The following ERICH1 variants were observed in gnomAD, a reference collection of about 807,000 sequenced individuals.
The protein encoded by ERICH1 is glutamate rich 1, also known as glutamate-rich protein 1.
Under a neutral mutation model 39.6 loss-of-function variants are expected in ERICH1, and 56 were observed. That is an observed-to-expected ratio of 1.41 (90% CI 1.14 to 1.77). The LOEUF (loss-of-function observed/expected upper bound fraction) is 1.77, where lower values mean the gene tolerates loss of function less well. ERICH1 is among the 40% of genes most tolerant of loss of function. ERICH1 has a pLI of 0.00. For synonymous variants in ERICH1, 313 were observed against 223.6 expected (o/e 1.40, Z -3.57); for missense variants, 826 against 575.4 (o/e 1.44, Z -4.45).
intron 1 of ERICH1, among the ~76,000 whole-genome samples, chr8:727,005 C>A (rs1014796356): frequency 4.0e-5 from 6 of 149,784 alleles, no homozygotes; most frequent in South Asian, 4.3e-4. Context: ...GCACACCACA[C>A]AGGCACACAC....
chr8:638,069 G>C lies in ERICH1; in HGVS notation c.977-22785C>G, dbSNP rs746316858. On this transcript the variant is annotated intron_variant, in intron 3 of 3. Transcript: ENST00000522706. ...AAGCCTGTTCTCTAGGAGGTCCTGA[G>C]TCATTTACATCGGTGACCTGGGGCA... Among the ~76,000 whole-genome samples, 10 of 152,236 alleles carry C rather than the reference G, an allele frequency of 6.6e-5. 1 individual carries two copies. Among genetic ancestry groups the C allele is most frequent in the African/African-American group, 2.4e-4 (10 of 41,460 alleles).
chr8:653,699 G>A (rs576010514), intron 3 of ERICH1, among the ~76,000 whole-genome samples: 1 of 152,370 alleles, frequency 6.6e-6, no homozygotes, highest in East Asian at 1.9e-4. Flanking sequence ...TAAAAAAGAA[G>A]GGAGTCTGGA....
At chr8:670,596 C>A (rs1803081410) in intron 4 of ERICH1, among the ~76,000 whole-genome samples, 1 of 152,194 alleles carries the variant, frequency 6.6e-6, no homozygotes, top group Non-Finnish European at 1.5e-5. Flanking sequence ...GAGGGTCAGG[C>A]CGATCCTCAT....
chr8:665,777 G>A (rs1024897571), intron 5 of ERICH1, among the ~76,000 whole-genome samples: 3 of 152,218 alleles, frequency 2.0e-5, no homozygotes, highest in Non-Finnish European at 4.4e-5. Context: ...CTGAGGAAAA[G>A]TAACTGCTGA....
rs200277044 is a variant in ERICH1 at position 668,675 on chromosome 8, G to C, written c.1181C>G (p.Thr394Arg). Reference protein sequence around the residue: ...SDVSILYHMKTLLLLQDTERL... With the variant: ...SDVSILYHMKRLLLLQDTERL... Reference sequence around the variant, plus strand: ...CTCAGTATCTTGCAGGAGCAGCAGCGTTTTCATGTGGTACAGGATGGACAC... The same window carrying C: ...CTCAGTATCTTGCAGGAGCAGCAGCCTTTTCATGTGGTACAGGATGGACAC... The change falls in exon 5 of 6, where the codon ACG becomes AGG. Residue 394 changes from threonine to arginine, a missense_variant. Physicochemically the swap from Thr to Arg is moderately conservative, Grantham distance 71. Coordinates refer to ENST00000262109, the MANE Select transcript of ERICH1 (RefSeq NM_207332.3). 1 of 1,614,164 alleles carries C rather than the reference G, an allele frequency of 6.2e-7. No homozygotes were observed. The highest frequency in any genetic ancestry group is 2.2e-5 in the East Asian group (1 of 44,878).
chr8:704,579 G>A (rs1252154455), intron 2 of ERICH1, among the ~76,000 whole-genome samples: 4 of 152,122 alleles, frequency 2.6e-5, no homozygotes, highest in African/African-American at 9.7e-5. Flanking sequence ...AAGAAACGGT[G>A]TTTACGGAGA....
chr8:711,182 T>C lies in ERICH1; in HGVS notation c.169+4679A>G, dbSNP rs139274891. On this transcript the variant is annotated intron_variant, in intron 2 of 5. Transcript: ENST00000262109. ...TGGTGAGGTCCACATCTTTGGCCCA[T>C]TTTCTTATTAAGTTTTAAGAATTCT... is the stretch of plus-strand genomic sequence containing the variant. Among the ~76,000 whole-genome samples the C allele has an allele frequency of 4.6e-3, 701 of 152,336 alleles. 2 individuals carry two copies. Among genetic ancestry groups the C allele is most frequent in the African/African-American group, 0.016 (654 of 41,574 alleles).
At chr8:615,678 A>T (rs539610373) in intron 3 of ERICH1, 7 of 165,056 alleles carry the variant, frequency 4.2e-5, no homozygotes, top group South Asian at 4.0e-4. Context: ...AAAGGTAGTC[A>T]GTCTAGTCTA....
At chr8:676,640 G>T (rs895056932) in intron 3 of ERICH1, among the ~76,000 whole-genome samples, 1 of 152,174 alleles carries the variant, frequency 6.6e-6, no homozygotes, top group African/African-American at 2.4e-5. Flanking sequence ...AAGAACAGAC[G>T]GCACATGGCG....
intron 5 of ERICH1, among the ~76,000 whole-genome samples, chr8:665,224 C>G (rs1344558887): frequency 3.3e-5 from 5 of 152,202 alleles, no homozygotes; most frequent in African/African-American, 9.7e-5. Context: ...CAGAGCTTCA[C>G]GGCAGGGACA....
intron 3 of ERICH1, among the ~76,000 whole-genome samples, chr8:622,637 G>T (rs928952047): frequency 6.6e-6 from 1 of 152,072 alleles, no homozygotes; most frequent in African/African-American, 2.4e-5. Flanking sequence ...AAGCCAGACA[G>T]CTTCACTAGC....
At chr8:702,516 C>A (rs1395761557) in intron 2 of ERICH1, among the ~76,000 whole-genome samples, 1 of 152,168 alleles carries the variant, frequency 6.6e-6, no homozygotes, top group Non-Finnish European at 1.5e-5. Context: ...GCAGGCACCT[C>A]CCACCTCCAG....
intron 4 of ERICH1, among the ~76,000 whole-genome samples, chr8:672,867 C>T (rs938370578): frequency 1.3e-5 from 2 of 152,220 alleles, no homozygotes; most frequent in Non-Finnish European, 2.9e-5. Flanking sequence ...TTTCCTTCAC[C>T]TCTCAGTCTG....
chr8:721,301 A>G (rs1009771896), intron 1 of ERICH1, among the ~76,000 whole-genome samples: 4 of 152,274 alleles, frequency 2.6e-5, no homozygotes, highest in African/African-American at 7.2e-5. Context: ...TTAAAAGAGC[A>G]AAGTTTAAAA....
At chr8:712,618 A>T (rs1815008196) in intron 2 of ERICH1, among the ~76,000 whole-genome samples, 1 of 152,182 alleles carries the variant, frequency 6.6e-6, no homozygotes, top group African/African-American at 2.4e-5. Context: ...TTTAGTAGAG[A>T]CGGGGTTTCT....
chr8:720,337 C>T (rs780023093), intron 1 of ERICH1, among the ~76,000 whole-genome samples: 14 of 152,148 alleles, frequency 9.2e-5, no homozygotes, highest in Non-Finnish European at 1.5e-4. Flanking sequence ...GAGGTACCCA[C>T]GATGAAGGAC....
intron 3 of ERICH1, among the ~76,000 whole-genome samples, chr8:658,244 C>A (rs1160793160): frequency 6.6e-6 from 1 of 152,214 alleles, no homozygotes; most frequent in African/African-American, 2.4e-5. Flanking sequence ...GCTTGCCCCT[C>A]CCCTTCTCAT....
At chr8:664,136 A>G (rs1801838019), downstream of ERICH1, 4 of 640,030 alleles carry the variant, frequency 6.2e-6, no homozygotes, top group Non-Finnish European at 7.8e-6. Flanking sequence ...CGAAACAGGA[A>G]AAACAGGTAC....
intron 3 of ERICH1, among the ~76,000 whole-genome samples, chr8:685,273 TAC>T (rs1468391350): frequency 6.6e-6 from 1 of 152,344 alleles, no homozygotes; most frequent in African/African-American, 2.4e-5. Context: ...ATAAGAGAAA[TAC>T]GGCTGTGTCC....
Sources: gnomAD v4.1 joint callset for allele counts (sites outside exome capture counted in the v4.1 genomes callset) on GRCh38, gnomAD v4.1.1 for gene constraint, MANE v1.5 for transcripts, NCBI Gene and HGNC (gene_info 2026-07-23, HGNC 2026-07-21) for gene names.